COL22A1: variants seen among roughly 807,000 people sequenced by gnomAD.
COL22A1 encodes the protein collagen alpha-1(XXII) chain.
COL22A1 carries 221 observed loss-of-function variants against 248.9 expected under a neutral mutation model. That is an observed-to-expected ratio of 0.89 (90% CI 0.80 to 0.99). The LOEUF (loss-of-function observed/expected upper bound fraction) is 0.99. Among genes scored for constraint, COL22A1 ranks in the 50% least tolerant of loss-of-function variants. The pLI is 0.00. For missense variants in COL22A1, 2,240 were observed against 2,179.0 expected (o/e 1.03, Z -0.56); for synonymous variants, 891 against 793.4 (o/e 1.12, Z -2.07).
chr8:138,628,278 A>G (rs1820413851), intron 50 of COL22A1, among the ~76,000 whole-genome samples: 1 of 152,168 alleles, frequency 6.6e-6, no homozygotes, highest in Non-Finnish European at 1.5e-5. Context: ...TTTTGCCCCC[A>G]TTTAACTTTT....
chr8:138,772,465 T>C (rs1834453880), intron 16 of COL22A1, among the ~76,000 whole-genome samples: 2 of 152,010 alleles, frequency 1.3e-5, no homozygotes, highest in South Asian at 4.2e-4. Flanking sequence ...CAGCAAGACT[T>C]CTGAGGGAGA....
chr8:138,675,521 G>A (rs1004416327), intron 41 of COL22A1, among the ~76,000 whole-genome samples: 9 of 152,176 alleles, frequency 5.9e-5, no homozygotes, highest in African/African-American at 2.2e-4. Context: ...TAAGATAATA[G>A]TAACAACAAC....
chr8:138,851,403 C>T (rs1821635834), intron 3 of COL22A1, among the ~76,000 whole-genome samples: 3 of 152,178 alleles, frequency 2.0e-5, no homozygotes, highest in South Asian at 4.1e-4. Context: ...AGCCTCGTGG[C>T]CCAAGGCCGA....
intron 45 of COL22A1, among the ~76,000 whole-genome samples, chr8:138,653,897 G>A (rs1295026093): frequency 2.6e-5 from 4 of 152,292 alleles, no homozygotes; most frequent in Admixed American, 6.5e-5. Context: ...ATCCCAGGCT[G>A]TTGACTATAG....
At chr8:138,842,837 C>T (rs1220035589) in intron 4 of COL22A1, among the ~76,000 whole-genome samples, 1 of 152,200 alleles carries the variant, frequency 6.6e-6, no homozygotes, top group African/African-American at 2.4e-5. Flanking sequence ...ACCAGCTACG[C>T]AGCAGGTGCC....
At chr8:138,640,375 T>A (rs1052527627) in intron 47 of COL22A1, among the ~76,000 whole-genome samples, 1 of 152,176 alleles carries the variant, frequency 6.6e-6, no homozygotes, top group African/African-American at 2.4e-5. Context: ...TTCAAACTTT[T>A]GAGGGCAGGG....
intron 3 of COL22A1, among the ~76,000 whole-genome samples, chr8:138,858,154 C>T (rs56220053): frequency 0.016 from 2,374 of 152,248 alleles, 62 homozygotes; most frequent in African/African-American, 0.053. Context: ...TTGTGCTTTA[C>T]GTGTGTGGCA....
At chr8:138,713,936 C>T (rs1483021276) in intron 30 of COL22A1, among the ~76,000 whole-genome samples, 2 of 152,164 alleles carry the variant, frequency 1.3e-5, no homozygotes, top group Admixed American at 6.5e-5. Flanking sequence ...GGGCTGGGAC[C>T]AGGGATCCAA....
chr8:138,660,100 C>G (rs562695635), intron 44 of COL22A1, among the ~76,000 whole-genome samples: 2 of 152,118 alleles, frequency 1.3e-5, no homozygotes, highest in South Asian at 4.1e-4. Flanking sequence ...CAACTCGAGG[C>G]ACTGTTAGGA....
At chr8:138,864,865 G>A (rs555076710) in intron 3 of COL22A1, among the ~76,000 whole-genome samples, 1 of 152,286 alleles carries the variant, frequency 6.6e-6, no homozygotes, top group South Asian at 2.1e-4. Flanking sequence ...AGATTTGGGG[G>A]TCCAAGACAG....
At chr8:138,906,606 T>G (rs1421353752) in intron 1 of COL22A1, among the ~76,000 whole-genome samples, 1 of 152,122 alleles carries the variant, frequency 6.6e-6, no homozygotes, top group African/African-American at 2.4e-5. Context: ...AAACTTTTAT[T>G]TTCTGAGAAG....
chr8:138,597,170 C>G (rs1248090612), intron 61 of COL22A1, among the ~76,000 whole-genome samples, 200 bp from the exon 62 acceptor site: 1 of 152,204 alleles, frequency 6.6e-6, no homozygotes, highest in Non-Finnish European at 1.5e-5. Context: ...CCATTTTACA[C>G]AGCAACCCGG....
chr8:138,623,497 G>T (rs1819992077), intron 52 of COL22A1, among the ~76,000 whole-genome samples: 1 of 152,014 alleles, frequency 6.6e-6, no homozygotes, highest in South Asian at 2.1e-4. Context: ...TTCAGATTCT[G>T]TCACCAGCCC....
intron 30 of COL22A1, 104 bp downstream of exon 30, chr8:138,715,568 TTAAAAAAAAA>T: frequency 2.3e-6 from 1 of 431,696 alleles, no homozygotes; most frequent in Non-Finnish European, 3.8e-6. Context: ...GACTCTCATT[TTAAAAAAAAA>T]AAAAAAAAAA....
At chr8:138,768,313 G>C (rs75364771) in intron 16 of COL22A1, among the ~76,000 whole-genome samples, 14,739 of 152,174 alleles carry the variant, frequency 0.097, 1,005 homozygotes, top group African/African-American at 0.19. Flanking sequence ...CGGCACTGTT[G>C]ACTGTCACTG....
chr8:138,768,460 A>G (rs2131439967), intron 16 of COL22A1, among the ~76,000 whole-genome samples: 1 of 152,360 alleles, frequency 6.6e-6, no homozygotes, highest in African/African-American at 2.4e-5. Flanking sequence ...GCACTGTGGC[A>G]GAGACATGCA....
chr8:138,604,221 C>T (rs1046779025), intron 59 of COL22A1, among the ~76,000 whole-genome samples: 1 of 152,096 alleles, frequency 6.6e-6, no homozygotes, highest in African/African-American at 2.4e-5. Flanking sequence ...CTGGATTCCA[C>T]GGAGAGTGCA....
chr8:138,810,320 C>T (rs1818104348), intron 9 of COL22A1, among the ~76,000 whole-genome samples: 1 of 152,248 alleles, frequency 6.6e-6, no homozygotes, highest in Non-Finnish European at 1.5e-5. Context: ...CAAAACCTTA[C>T]CATGCCATCA....
chr8:138,757,379 T>C (rs975374293), intron 18 of COL22A1, among the ~76,000 whole-genome samples: 1 of 152,196 alleles, frequency 6.6e-6, no homozygotes. Flanking sequence ...TTCAAAATCA[T>C]GTCTTTTTTA....
Sources: gnomAD v4.1 joint callset for allele counts (sites outside exome capture counted in the v4.1 genomes callset) on GRCh38, gnomAD v4.1.1 for gene constraint, MANE v1.5 for transcripts, NCBI Gene and HGNC (gene_info 2026-07-23, HGNC 2026-07-21) for gene names.